The following PPFIA2 variants were observed in gnomAD, a reference collection of about 807,000 sequenced individuals.
PPFIA2 encodes liprin-alpha-2.
In PPFIA2, 46 loss-of-function variants were observed where a neutral mutation model predicts 175.5. That is an observed-to-expected ratio of 0.26 (90% confidence interval 0.21 to 0.34). PPFIA2 has a LOEUF of 0.34. Ranked by LOEUF, PPFIA2 falls within the 10% of genes least tolerant of loss-of-function variation. The pLI is 1.00. For synonymous variants in PPFIA2, 568 were observed against 511.4 expected (o/e 1.11, Z -1.49); for missense variants, 1,179 against 1,506.1 (o/e 0.78, Z 3.60).
chr12:81,575,852 G>A (rs78862118), intron 4 of PPFIA2, among the ~76,000 whole-genome samples: 14,824 of 151,684 alleles, frequency 0.098, 865 homozygotes, highest in Middle Eastern at 0.17. Flanking sequence ...GGTGTTCCAA[G>A]GTCATGCACA....
chr12:81,594,861 T>A (rs562699949), intron 4 of PPFIA2, among the ~76,000 whole-genome samples: 1 of 152,202 alleles, frequency 6.6e-6, no homozygotes, highest in East Asian at 1.9e-4. Context: ...TGCAGTGAGC[T>A]TTTATTGGGC....
chr12:81,729,227 C>T (rs1350880440), intron 3 of PPFIA2, among the ~76,000 whole-genome samples: 1 of 151,438 alleles, frequency 6.6e-6, no homozygotes, highest in Non-Finnish European at 1.5e-5. Flanking sequence ...GCATTTTCAT[C>T]ACTGAACTTG....
chr12:81,742,788 T>C (rs1230988870), intron 3 of PPFIA2, among the ~76,000 whole-genome samples: 2 of 152,016 alleles, frequency 1.3e-5, no homozygotes, highest in African/African-American at 4.8e-5. Context: ...AAGTGAACGA[T>C]AATAAAGACT....
At chr12:81,302,057 G>A (rs10862288) in intron 22 of PPFIA2, 273,559 of 296,484 alleles carry the variant, frequency 0.92, 128,078 homozygotes, top group South Asian at 0.98. Context: ...CAGAAGAGGT[G>A]CTAAATAAAT....
chr12:81,754,700 G>C (rs1329548033), intron 2 of PPFIA2, among the ~76,000 whole-genome samples: 1 of 152,032 alleles, frequency 6.6e-6, no homozygotes, highest in African/African-American at 2.4e-5. Flanking sequence ...GAATGACTTA[G>C]GTAATTCAAT....
intron 8 of PPFIA2, among the ~76,000 whole-genome samples, chr12:81,392,897 A>G (rs1411333886): frequency 6.6e-6 from 1 of 151,954 alleles, no homozygotes; most frequent in Admixed American, 6.6e-5. Flanking sequence ...CCCATCTTTT[A>G]TACAATCTAT....
At chr12:81,365,290 T>C (rs1368373443) in intron 14 of PPFIA2, among the ~76,000 whole-genome samples, 1 of 151,772 alleles carries the variant, frequency 6.6e-6, no homozygotes, top group Non-Finnish European at 1.5e-5. Flanking sequence ...TGAGGAATTA[T>C]AGAAGATGTG....
chr12:81,605,650 GCTATCTATCTATCTATCTAT>G lies in PPFIA2; in HGVS notation c.303+71121_303+71140del, dbSNP rs10595723. ...GTCTGTCTATCCATCCATCCATCCAGCTATCTATCTATCTATCTATCTATCTATCTATCTATCTATCTAAT... is the reference window on the plus strand; with the variant it reads ...GTCTGTCTATCCATCCATCCATCCAGCTATCTATCTATCTATCTATCTAAT... On this transcript the variant is annotated intron_variant, in intron 4 of 32. Coordinates refer to ENST00000549396, the MANE Select transcript of PPFIA2 (RefSeq NM_003625.5). Among the ~76,000 whole-genome samples, 14 of 143,898 alleles carry G rather than the reference GCTATCTATCTATCTATCTAT, an allele frequency of 9.7e-5. No homozygotes were observed. In the South Asian group the frequency reaches 1.3e-3, roughly 14 times the overall value. The allele number at this position is 143,898 out of a possible 152,430, so 94.4% of individuals were successfully genotyped here.
At chr12:81,425,872 A>C (rs2047052545) in intron 7 of PPFIA2, among the ~76,000 whole-genome samples, 2 of 152,182 alleles carry the variant, frequency 1.3e-5, no homozygotes, top group South Asian at 2.1e-4. Flanking sequence ...ATAATATGAG[A>C]GATCTATCAG....
intron 7 of PPFIA2, among the ~76,000 whole-genome samples, chr12:81,424,247 T>A (rs1461736111): frequency 6.6e-6 from 1 of 152,082 alleles, no homozygotes; most frequent in African/African-American, 2.4e-5. Context: ...AAAATAGATA[T>A]CTTTACAATA....
At chr12:81,347,996 C>T (rs951119123) in intron 17 of PPFIA2, among the ~76,000 whole-genome samples, 2 of 151,742 alleles carry the variant, frequency 1.3e-5, no homozygotes, top group Non-Finnish European at 2.9e-5. Context: ...TCAAATGATA[C>T]ATTTTTTCCT....
chr12:81,705,083 TAAAAAAAAAAAAAAAAAAA>T (rs557079067), intron 3 of PPFIA2, among the ~76,000 whole-genome samples: 5 of 32,356 alleles, frequency 1.5e-4, no homozygotes, highest in African/African-American at 6.5e-4. Flanking sequence ...AAACTCTGTC[TAAAAAAAAAAAAAAAAAAA>T]AAAAAAAAAG....
At chr12:81,400,583 A>T (rs544859928) in intron 8 of PPFIA2, among the ~76,000 whole-genome samples, 2 of 152,294 alleles carry the variant, frequency 1.3e-5, no homozygotes, top group African/African-American at 4.8e-5. Flanking sequence ...TGCAAACAAA[A>T]ATCTATTTCT....
intron 3 of PPFIA2, among the ~76,000 whole-genome samples, chr12:81,714,934 C>T (rs1053910932): frequency 1.3e-5 from 2 of 150,934 alleles, no homozygotes; most frequent in Non-Finnish European, 3.0e-5. Context: ...CACATGTCAG[C>T]TCTTAACATT....
At chr12:81,275,972 A>G (rs1490052116) in intron 28 of PPFIA2, among the ~76,000 whole-genome samples, 4 of 151,596 alleles carry the variant, frequency 2.6e-5, no homozygotes, top group African/African-American at 4.8e-5. Flanking sequence ...TTTTAGTAGA[A>G]ACAGGGTTTC....
rs536865047 is a variant in PPFIA2, at chr12:81,498,823, C to T, written c.304-40957G>A. 2.0e-5 allele frequency among the ~76,000 whole-genome samples: 3 copies of T among 152,202 alleles called. No homozygotes were observed. The East Asian group carries it at 5.8e-4, about 29-fold the overall frequency. Reference sequence around the variant, plus strand: ...TATATTTTGTAGAGACGGGGTTTCACTATGTTGGCCAGGCTAGTCTCGAAC... The same window carrying T: ...TATATTTTGTAGAGACGGGGTTTCATTATGTTGGCCAGGCTAGTCTCGAAC... On this transcript the variant is annotated intron_variant, in intron 4 of 32. Transcript: ENST00000549396.
At chr12:81,595,439 C>T (rs1233937437) in intron 4 of PPFIA2, among the ~76,000 whole-genome samples, 1 of 151,950 alleles carries the variant, frequency 6.6e-6, no homozygotes. Context: ...TAGAACTTGA[C>T]TTTTGATGAG....
Position 81,259,336 on chromosome 12 carries a change from A to G in PPFIA2, c.*358T>C. 1 of 499,956 alleles carries G rather than the reference A, an allele frequency of 2.0e-6. No individual in the cohort carries two copies. The highest frequency in any genetic ancestry group is 3.7e-6 in the Non-Finnish European group (1 of 272,558). 31.0% of individuals were successfully genotyped at this position (499,956 alleles called of 1,614,324 possible). A position where few individuals can be genotyped will look rare whatever the true frequency, so the allele number is the denominator to read the frequency against. On this transcript the variant is annotated 3_prime_UTR_variant, in exon 33 of 33. Coordinates refer to ENST00000549396, the MANE Select transcript of PPFIA2 (RefSeq NM_003625.5). ...CCATTTACATAAGACTTACACATTT[A>G]AAAAGAAATGCACGGTAATACATAA...
At chr12:81,471,989 T>A (rs2056811781) in intron 4 of PPFIA2, among the ~76,000 whole-genome samples, 2 of 152,192 alleles carry the variant, frequency 1.3e-5, no homozygotes, top group South Asian at 2.1e-4. Flanking sequence ...AGAGTTTTTT[T>A]AAACAAATAC....
Sources: gnomAD v4.1 joint callset for allele counts (sites outside exome capture counted in the v4.1 genomes callset) on GRCh38, gnomAD v4.1.1 for gene constraint, MANE v1.5 for transcripts, NCBI Gene and HGNC (gene_info 2026-07-23, HGNC 2026-07-21) for gene names.